The following NDST4 variants were observed in gnomAD, a reference collection of about 807,000 sequenced individuals.
NDST4 encodes the protein N-heparan sulfate sulfotransferase 4.
Under a neutral mutation model 100.8 loss-of-function variants are expected in NDST4, and 63 were observed. The observed-to-expected ratio is 0.62, with a 90% CI of 0.51 to 0.77. The LOEUF (loss-of-function observed/expected upper bound fraction) is 0.77, where lower values mean the gene tolerates loss of function less well. Among genes scored for constraint, NDST4 ranks in the 30% least tolerant of loss-of-function variants. The pLI, the probability that NDST4 is intolerant of heterozygous loss-of-function variation, is 0.00. For synonymous variants in NDST4, 377 were observed against 361.8 expected, an observed-to-expected ratio of 1.04 and a Z score of -0.48; for missense variants, 943 against 1,018.4, an observed-to-expected ratio of 0.93 and a Z score of 1.01.
At chr4:114,946,746 C>T (rs1270617692) in intron 4 of NDST4, among the ~76,000 whole-genome samples, 1 of 152,280 alleles carries the variant, frequency 6.6e-6, no homozygotes, top group Admixed American at 6.5e-5. Flanking sequence ...TTCACATTTA[C>T]CATGCTTTTC....
chr4:115,063,365 A>T (rs1728864198), intron 2 of NDST4, among the ~76,000 whole-genome samples: 1 of 151,970 alleles, frequency 6.6e-6, no homozygotes, highest in African/African-American at 2.4e-5. Context: ...AATGTCTATG[A>T]CTACTTTAAC....
chr4:115,015,631 C>T (rs1210595619), intron 2 of NDST4, among the ~76,000 whole-genome samples: 1 of 152,020 alleles, frequency 6.6e-6, no homozygotes, highest in Non-Finnish European at 1.5e-5. Context: ...TGAACGTTCA[C>T]TAAAGGGTGA....
At chr4:114,950,881 A>T (rs967396542) in intron 4 of NDST4, among the ~76,000 whole-genome samples, 4 of 80,394 alleles carry the variant, frequency 5.0e-5, no homozygotes, top group Non-Finnish European at 1.2e-4. Flanking sequence ...CTAAAATGTC[A>T]CTATTATTCT....
At chr4:115,044,738 T>C (rs1481201046) in intron 2 of NDST4, among the ~76,000 whole-genome samples, 2 of 143,632 alleles carry the variant, frequency 1.4e-5, no homozygotes, top group Non-Finnish European at 3.1e-5. Context: ...ACCAAGAACA[T>C]CAGATATTGG....
intron 2 of NDST4, among the ~76,000 whole-genome samples, chr4:115,073,554 A>G (rs1041557671): frequency 9.9e-5 from 15 of 152,026 alleles, no homozygotes; most frequent in Non-Finnish European, 2.1e-4. Flanking sequence ...TAAGTGAAAT[A>G]AGCAAGGCAC....
chr4:115,046,783 G>A (rs2126276843), intron 2 of NDST4, among the ~76,000 whole-genome samples: 1 of 152,200 alleles, frequency 6.6e-6, no homozygotes, highest in East Asian at 1.9e-4. Context: ...AATCACAATT[G>A]TTTATTAGTA....
At chr4:114,985,837 G>C (rs1229775419) in intron 2 of NDST4, among the ~76,000 whole-genome samples, 1 of 152,166 alleles carries the variant, frequency 6.6e-6, no homozygotes, top group African/African-American at 2.4e-5. Flanking sequence ...TGGAAAAGTG[G>C]CAGGCCATTT....
chr4:115,038,786 G>A (rs1728287264), intron 2 of NDST4, among the ~76,000 whole-genome samples: 1 of 152,038 alleles, frequency 6.6e-6, no homozygotes, highest in Non-Finnish European at 1.5e-5. Flanking sequence ...GACCAGCTTG[G>A]GCAACATAGT....
At chr4:114,963,563 T>C (rs1578416888) in intron 4 of NDST4, among the ~76,000 whole-genome samples, 2 of 152,194 alleles carry the variant, frequency 1.3e-5, no homozygotes, top group African/African-American at 4.8e-5. Context: ...TTTACGTGGG[T>C]GAACCTTATG....
intron 6 of NDST4, among the ~76,000 whole-genome samples, chr4:114,881,222 G>C (rs1054135526): frequency 6.6e-6 from 1 of 151,980 alleles, no homozygotes; most frequent in Non-Finnish European, 1.5e-5. Flanking sequence ...TCATTTAGAA[G>C]GTTGCTGTAG....
At chr4:115,021,700 ATC>A (rs1169278305) in intron 2 of NDST4, among the ~76,000 whole-genome samples, 37 of 150,846 alleles carry the variant, frequency 2.5e-4, no homozygotes, top group African/African-American at 9.1e-4. Context: ...CACGTTCCAC[ATC>A]TATACACATT....
Position 115,004,636 on chromosome 4 carries a change from C to T in NDST4, c.979-27362G>A, listed in dbSNP as rs1027657022. Among the ~76,000 whole-genome samples, 11 of 152,234 alleles carry T rather than the reference C, an allele frequency of 7.2e-5. 1 individual carries two copies. The highest frequency in any genetic ancestry group is 3.4e-3 in the Middle Eastern group (1 of 294). The stretch of plus-strand genomic sequence containing the variant: ...TCTTGCTGCTCGTCACACCAACCAC[C>T]CCTTCTCAATCAACCCCAAATCACA... On this transcript the variant is annotated intron_variant, in intron 2 of 13. Coordinates refer to ENST00000264363, the MANE Select transcript of NDST4 (RefSeq NM_022569.3).
At chr4:115,049,212 G>A (rs578039372) in intron 2 of NDST4, among the ~76,000 whole-genome samples, 101 of 152,022 alleles carry the variant, frequency 6.6e-4, no homozygotes, top group African/African-American at 2.4e-3. Flanking sequence ...TAAACCTTCA[G>A]CATGGTAAAA....
At chr4:114,848,179 T>A (rs761583533) in intron 9 of NDST4, 36 bp downstream of exon 9, 1 of 1,560,614 alleles carries the variant, frequency 6.4e-7, no homozygotes, top group African/African-American at 1.4e-5. Flanking sequence ...TGAGCATGTG[T>A]TAATAATGGA....
At chr4:115,036,622 C>A (rs1027411175) in intron 2 of NDST4, among the ~76,000 whole-genome samples, 2 of 151,822 alleles carry the variant, frequency 1.3e-5, no homozygotes, top group Admixed American at 1.3e-4. Context: ...ATATAATGCA[C>A]AGATGTCAAA....
chr4:114,908,923 A>G (rs1725007390), intron 6 of NDST4, among the ~76,000 whole-genome samples: 1 of 152,126 alleles, frequency 6.6e-6, no homozygotes, highest in Admixed American at 6.5e-5. Flanking sequence ...TTGTTTAATT[A>G]ACTAACATGA....
rs764069949 is a variant in NDST4 at position 115,076,621 on chromosome 4, T to A, written c.416A>T (p.Tyr139Phe). The part of the protein sequence containing the change: ...TLVIYENILK[Y>F]VSMDSWNREL... ...TCGATTCCATGAGTCCATGCTGACA[T>A]ACTTCAGAATATTTTCATAAATAAC... The change falls in exon 2 of 14, where the codon TAT becomes TTT. Residue 139 changes from tyrosine to phenylalanine, a missense_variant. By Grantham distance (22) the Tyr-to-Phe change is conservative. Transcript: ENST00000264363. 1 of 1,613,882 alleles carries A rather than the reference T, an allele frequency of 6.2e-7. No individual in the cohort carries two copies. Among genetic ancestry groups the A allele is most frequent in the South Asian group, 1.1e-5 (1 of 91,082 alleles).
chr4:115,017,090 T>C (rs1284227987), intron 2 of NDST4, among the ~76,000 whole-genome samples: 5 of 152,000 alleles, frequency 3.3e-5, no homozygotes, highest in Admixed American at 3.3e-4. Flanking sequence ...AGATAAATTG[T>C]ATTGTTCAAT....
chr4:114,962,800 A>G (rs910316748), intron 4 of NDST4, among the ~76,000 whole-genome samples: 1 of 152,124 alleles, frequency 6.6e-6, no homozygotes, highest in African/African-American at 2.4e-5. Context: ...GCAGAAATTG[A>G]TAAGATGATC....
Sources: allele counts gnomAD v4.1 joint callset (sites outside exome capture counted in the v4.1 genomes callset), GRCh38; gene constraint gnomAD v4.1.1; transcripts MANE v1.5; gene names NCBI Gene and HGNC (gene_info 2026-07-23, HGNC 2026-07-21).